Variants in ERFE observed in about 807,000 individuals in gnomAD.
ERFE encodes complement C1q tumor necrosis factor-related protein 15.
Under a neutral mutation model 26.6 loss-of-function variants are expected in ERFE, and 25 were observed. The ratio of observed to expected loss-of-function variants is 0.94; its 90% CI spans 0.69 to 1.31. ERFE has a LOEUF of 1.31. Ranked by LOEUF, ERFE falls within the 40% of genes most tolerant of loss-of-function variation. The pLI, the probability that ERFE is intolerant of heterozygous loss-of-function variation, is 0.00. For synonymous variants in ERFE, 206 were observed against 204.5 expected (o/e 1.01, Z -0.06); for missense variants, 447 against 440.2 (o/e 1.02, Z -0.14).
chr2:238,167,722 T>C lies in ERFE; in HGVS notation c.*668T>C, dbSNP rs1693068118. ...TAAGTCTGGGCCCAGCTTCTAGTTC[T>C]AATGTGTGCAAGATTAACTCACAAA... is the stretch of plus-strand genomic sequence containing the variant. On this transcript the variant is annotated 3_prime_UTR_variant, in exon 8 of 8. Coordinates refer to ENST00000546354, the MANE Select transcript of ERFE (RefSeq NM_001291832.2). The C allele has an allele frequency of 3.0e-6, 1 of 336,652 alleles. No individual in the cohort carries two copies. Among genetic ancestry groups the C allele is most frequent in the Admixed American group, 3.9e-5 (1 of 25,400 alleles). 20.9% of individuals were successfully genotyped at this position (336,652 alleles called of 1,614,324 possible). A position where few individuals can be genotyped will look rare whatever the true frequency, so the allele number is the denominator to read the frequency against.
chr2:238,167,408 C>G lies in ERFE; in HGVS notation c.*354C>G, dbSNP rs765116443. On this transcript the variant is annotated 3_prime_UTR_variant, in exon 8 of 8. Coordinates refer to ENST00000546354, the MANE Select transcript of ERFE (RefSeq NM_001291832.2). ...CCTCTGCGTCTTTCCTGTGCCCAGCCCCACCTTTTCCACCTCTCTTCATGT... is the reference window on the plus strand; with the variant it reads ...CCTCTGCGTCTTTCCTGTGCCCAGCGCCACCTTTTCCACCTCTCTTCATGT... The G allele has an allele frequency of 1.1e-5, 6 of 548,736 alleles. No individual in the cohort carries two copies. Among genetic ancestry groups the G allele is most frequent in the South Asian group, 6.1e-5 (4 of 65,428 alleles). The allele number at this position is 548,736 out of a possible 1,614,324, so 34.0% of individuals were successfully genotyped here. A position where few individuals can be genotyped will look rare whatever the true frequency, so the allele number is the denominator to read the frequency against.
rs908021277 is a variant in ERFE at position 238,168,694 on chromosome 2, C to G, written c.*1640C>G. ...ACTGGGCTGGCCTGGGTACTGCATC[C>G]GTGTGTTTTGATAAGGGGGTGATGT... On this transcript the variant is annotated 3_prime_UTR_variant, in exon 8 of 8. Transcript: ENST00000546354. 6.4e-6 allele frequency: 2 copies of G among 313,728 alleles called. No homozygotes were observed. Among genetic ancestry groups the G allele is most frequent in the East Asian group, 1.7e-4 (2 of 11,658 alleles). The allele number at this position is 313,728 out of a possible 1,614,324, so 19.4% of individuals were successfully genotyped here.
At chr2:238,162,639 T>C (rs762852044) in intron 2 of ERFE, 97 bp from the exon 3 acceptor site, 88 of 790,348 alleles carry the variant, frequency 1.1e-4, no homozygotes, top group Non-Finnish European at 1.9e-4. Context: ...ACTGGGGAGC[T>C]CTGTTGCCTG....
chr2:238,163,795 G>A lies in ERFE; in HGVS notation c.483G>A (p.Gly161=). 7.4e-7 allele frequency: 1 copy of A among 1,351,570 alleles called. No individual in the cohort carries two copies. The highest frequency in any genetic ancestry group is 9.5e-7 in the Non-Finnish European group (1 of 1,056,778). 83.7% of individuals were successfully genotyped at this position (1,351,570 alleles called of 1,614,324 possible). ...EPEPCTCGPA[G]PVAASLAPVS... ...AACCCTGTACGTGTGGCCCCGCCGG[G>A]CCGGTCGCTGCGAGCCTCGCCCCGG... is the stretch of plus-strand genomic sequence containing the variant. The change falls in exon 4 of 8, where the codon GGG becomes GGA. Residue 161 remains glycine, a synonymous_variant. Transcript: ENST00000546354.
In ERFE at chr2:238,168,598, A is replaced by G; in HGVS notation, c.*1544A>G. On this transcript the variant is annotated 3_prime_UTR_variant, in exon 8 of 8. Transcript: ENST00000546354. ...TCCCCAAGTGCAGTAACACACAAAA[A>G]CCAAACACTCTGCCCTGGGAAAGGC... 1 of 390,952 alleles carries G rather than the reference A, an allele frequency of 2.6e-6. No individual in the cohort carries two copies. The highest frequency in any genetic ancestry group is 5.3e-6 in the Non-Finnish European group (1 of 189,272). The allele number at this position is 390,952 out of a possible 1,614,324, so 24.2% of individuals were successfully genotyped here. A position where few individuals can be genotyped will look rare whatever the true frequency, so the allele number is the denominator to read the frequency against.
intron 2 of ERFE, 81 bp downstream of exon 2, chr2:238,161,797 GA>G (rs1226823700): frequency 1.4e-6 from 2 of 1,436,638 alleles, no homozygotes; most frequent in Admixed American, 2.3e-5. Flanking sequence ...CCTACATCCT[GA>G]ACATTTCCAA....
Position 238,167,249 on chromosome 2 carries a change from G to A in ERFE, c.*195G>A, listed in dbSNP as rs776736085. On this transcript the variant is annotated 3_prime_UTR_variant, in exon 8 of 8. Coordinates refer to ENST00000546354, the MANE Select transcript of ERFE (RefSeq NM_001291832.2). ...ACGTGACACGCACGCTGGTGGTCCC[G>A]GAGCCAGGGTTGATTCAGGACACCA... The A allele has an allele frequency of 7.7e-5, 55 of 715,158 alleles. 1 individual carries two copies. The highest frequency in any genetic ancestry group is 1.1e-4 in the Non-Finnish European group (44 of 397,452). The allele number at this position is 715,158 out of a possible 1,614,324, so 44.3% of individuals were successfully genotyped here. A position where few individuals can be genotyped will look rare whatever the true frequency, so the allele number is the denominator to read the frequency against.
Position 238,168,066 on chromosome 2 carries a change from G to A in ERFE, c.*1012G>A, listed in dbSNP as rs1693074617. The A allele has an allele frequency of 5.0e-6, 1 of 201,016 alleles. No homozygotes were observed. Among genetic ancestry groups the A allele is most frequent in the African/African-American group, 2.3e-5 (1 of 42,788 alleles). 12.5% of individuals were successfully genotyped at this position (201,016 alleles called of 1,614,324 possible). The stretch of plus-strand genomic sequence containing the variant: ...GCATCTTTCCCACTTGGGTGGCCAT[G>A]CGGCGCTGACATTGGACAGGTGGTG... On this transcript the variant is annotated 3_prime_UTR_variant, in exon 8 of 8. Coordinates refer to ENST00000546354, the MANE Select transcript of ERFE (RefSeq NM_001291832.2).
chr2:238,161,953 T>C (rs1158935541), intron 2 of ERFE, among the ~76,000 whole-genome samples: 1 of 152,212 alleles, frequency 6.6e-6, no homozygotes, highest in East Asian at 1.9e-4. Flanking sequence ...CTCCTCCCTC[T>C]GCATCCAGGC....
At position 238,164,005 on chromosome 2, in the gene ERFE, T is replaced by C; in HGVS notation, c.687+6T>C. ...AGCTTGGCGTCTACTACCTGGTGAG[T>C]GCCGGCGCGCGGGAGGGCGGGTGAG... On this transcript the variant is annotated splice_donor_region_variant and intron_variant, in intron 4 of 7. Coordinates refer to ENST00000546354, the MANE Select transcript of ERFE (RefSeq NM_001291832.2). 7.3e-7 allele frequency: 1 copy of C among 1,377,374 alleles called. No individual in the cohort carries two copies. The highest frequency in any genetic ancestry group is 9.3e-7 in the Non-Finnish European group (1 of 1,072,428). 85.3% of individuals were successfully genotyped at this position (1,377,374 alleles called of 1,614,324 possible).
At chr2:238,166,790 G>T (rs186919023) in intron 7 of ERFE, among the ~76,000 whole-genome samples, 166 bp from the exon 8 acceptor site, 88 of 152,378 alleles carry the variant, frequency 5.8e-4, no homozygotes, top group Middle Eastern at 3.4e-3. Flanking sequence ...GGCCCAACCC[G>T]TGCGGGCCCT....
At position 238,168,599 on chromosome 2, in the gene ERFE, CCAAA is replaced by C. The variant is rs1335733811; in HGVS notation, c.*1548_*1551del. ...CCCCAAGTGCAGTAACACACAAAAA[CCAAA>C]CACTCTGCCCTGGGAAAGGCCTGGT... On this transcript the variant is annotated 3_prime_UTR_variant, in exon 8 of 8. Coordinates refer to ENST00000546354, the MANE Select transcript of ERFE (RefSeq NM_001291832.2). 11 of 391,750 alleles carry C rather than the reference CCAAA, an allele frequency of 2.8e-5. No individual in the cohort carries two copies. The highest frequency in any genetic ancestry group is 7.2e-5 in the East Asian group (1 of 13,832). 24.3% of individuals were successfully genotyped at this position (391,750 alleles called of 1,614,324 possible).
In ERFE at chr2:238,159,182, G is replaced by C; in HGVS notation, c.175G>C (p.Ala59Pro). 1 of 210,334 alleles carries C rather than the reference G, an allele frequency of 4.8e-6. No homozygotes were observed. The highest frequency in any genetic ancestry group is 9.3e-6 in the Non-Finnish European group (1 of 107,638). 13.0% of individuals were successfully genotyped at this position (210,334 alleles called of 1,614,324 possible). A position where few individuals can be genotyped will look rare whatever the true frequency, so the allele number is the denominator to read the frequency against. Residue 59 changes from alanine to proline, a missense_variant, in exon 1 of 8, where the codon GCG becomes CCG. Ala to Pro is a conservative substitution (Grantham distance 27). Coordinates refer to ENST00000546354, the MANE Select transcript of ERFE (RefSeq NM_001291832.2). The stretch of plus-strand genomic sequence containing the variant: ...GCCCCGGGGCCCCGGGGAGAGCCGC[G>C]CGGGGCCGGCCGCTCGTCCGCCGGT... ...ELPRGPGESRAGPAARPPEPT... is the reference protein window; with the variant it reads ...ELPRGPGESRPGPAARPPEPT...
At chr2:238,164,450 G>A (rs902449408) in intron 6 of ERFE, 90 bp downstream of exon 6, 2 of 1,308,900 alleles carry the variant, frequency 1.5e-6, no homozygotes, top group Non-Finnish European at 2.1e-6. Flanking sequence ...CGGGGCTTCC[G>A]CCCGTTCACA....
chr2:238,164,507 GTCTACT>G, intron 6 of ERFE, 147 bp downstream of exon 6: 1 of 724,212 alleles, frequency 1.4e-6, no homozygotes, highest in Non-Finnish European at 2.3e-6. Flanking sequence ...AGGTCTCCCG[GTCTACT>G]TCTGCCCCTA....
chr2:238,162,395 G>A (rs11896387), intron 2 of ERFE, among the ~76,000 whole-genome samples: 35,622 of 152,194 alleles, frequency 0.23, 4,764 homozygotes, highest in South Asian at 0.36. Flanking sequence ...GCTGATGGTG[G>A]ACTCGGGCCC....
chr2:238,159,065 C>T lies in ERFE; in HGVS notation c.58C>T (p.Leu20=), dbSNP rs945315625. ...CCTGCTGCTCGTCTACGCGGGCCTG[C>T]TGGCCGCCGCCGCCGCGGGCCTGGG... is the stretch of plus-strand genomic sequence containing the variant. ...ARLLLVYAGL[L]AAAAAGLGSP... Residue 20 remains leucine (L), a synonymous_variant, in exon 1 of 8, where the codon CTG becomes TTG. Coordinates refer to ENST00000546354, the MANE Select transcript of ERFE (RefSeq NM_001291832.2). The T allele has an allele frequency of 8.3e-6, 2 of 241,708 alleles. No homozygotes were observed. The highest frequency in any genetic ancestry group is 1.6e-5 in the Non-Finnish European group (2 of 128,304). 15.0% of individuals were successfully genotyped at this position (241,708 alleles called of 1,614,324 possible).
chr2:238,167,491 C>T lies in ERFE; in HGVS notation c.*437C>T, dbSNP rs756770833. ...CCCTACCTGGGAGAGGGTCAGCTGA[C>T]GCAGGGCTGAGGGGGCTGCCACAGG... On this transcript the variant is annotated 3_prime_UTR_variant, in exon 8 of 8. Coordinates refer to ENST00000546354, the MANE Select transcript of ERFE (RefSeq NM_001291832.2). 12 of 465,874 alleles carry T rather than the reference C, an allele frequency of 2.6e-5. No homozygotes were observed. The highest frequency in any genetic ancestry group is 6.7e-5 in the East Asian group (1 of 14,866). 28.9% of individuals were successfully genotyped at this position (465,874 alleles called of 1,614,324 possible).
chr2:238,161,573 G>A (rs764716609), intron 1 of ERFE, 21 bp from the exon 2 acceptor site: 4 of 1,514,786 alleles, frequency 2.6e-6, no homozygotes, highest in African/African-American at 1.4e-5. Context: ...CAACCGCCCT[G>A]CTGGGCTGGC....
Sources: allele counts gnomAD v4.1 joint callset (sites outside exome capture counted in the v4.1 genomes callset), GRCh38; gene constraint gnomAD v4.1.1; transcripts MANE v1.5; gene names NCBI Gene and HGNC (gene_info 2026-07-23, HGNC 2026-07-21).